The following SEC24D variants were observed in gnomAD, a reference collection of about 807,000 sequenced individuals.
SEC24D encodes the protein SEC24 homolog D, COPII component, also known as protein transport protein Sec24D.
Under a neutral mutation model 116.9 loss-of-function variants are expected in SEC24D, and 69 were observed. The ratio of observed to expected loss-of-function variants is 0.59; its 90% CI spans 0.49 to 0.72. SEC24D has a LOEUF of 0.72. Among genes scored for constraint, SEC24D ranks in the 30% least tolerant of loss-of-function variants. The pLI is 0.00. For missense variants in SEC24D, 1,131 were observed against 1,264.1 expected (o/e 0.89, Z 1.60); for synonymous variants, 405 against 442.8 (o/e 0.91, Z 1.07).
chr4:118,830,846 G>C (rs1022842752), intron 2 of SEC24D, among the ~76,000 whole-genome samples: 1 of 152,082 alleles, frequency 6.6e-6, no homozygotes, highest in Non-Finnish European at 1.5e-5. Flanking sequence ...GACAGTATTG[G>C]AGAGAGGGAT....
intron 3 of SEC24D, among the ~76,000 whole-genome samples, chr4:118,822,606 C>T (rs571392097): frequency 6.6e-6 from 1 of 152,284 alleles, no homozygotes; most frequent in South Asian, 2.1e-4. Context: ...GGGTCTCCCT[C>T]TGTCACCCAG....
chr4:118,771,092 C>T (rs184048483), intron 8 of SEC24D, among the ~76,000 whole-genome samples: 145 of 152,244 alleles, frequency 9.5e-4, no homozygotes, highest in African/African-American at 3.4e-3. Context: ...CAGATGTCAG[C>T]TTATCTGCAC....
chr4:118,742,629 C>T (rs1370054304), intron 15 of SEC24D, among the ~76,000 whole-genome samples: 1 of 152,088 alleles, frequency 6.6e-6, no homozygotes, highest in Non-Finnish European at 1.5e-5. Context: ...CTTATCAAGT[C>T]CCTTAGTTTA....
intron 7 of SEC24D, among the ~76,000 whole-genome samples, chr4:118,799,911 C>T (rs928265242): frequency 2.0e-5 from 3 of 151,988 alleles, no homozygotes; most frequent in Non-Finnish European, 1.5e-5. Flanking sequence ...ATCAAGAAAA[C>T]ATTTTTATAT....
chr4:118,798,350 G>T (rs1729272935), intron 7 of SEC24D, among the ~76,000 whole-genome samples: 1 of 151,994 alleles, frequency 6.6e-6, no homozygotes, highest in African/African-American at 2.4e-5. Context: ...ACTTATAATA[G>T]AAATATTATT....
chr4:118,752,941 G>A, intron 11 of SEC24D, 53 bp from the exon 12 acceptor site: 1 of 1,339,788 alleles, frequency 7.5e-7, no homozygotes, highest in South Asian at 1.4e-5. Context: ...AGATGAAAAG[G>A]AGGTTTCTAT....
chr4:118,793,576 G>A (rs1729043688), intron 8 of SEC24D, among the ~76,000 whole-genome samples: 1 of 151,934 alleles, frequency 6.6e-6, no homozygotes, highest in African/African-American at 2.4e-5. Flanking sequence ...AATGTTGGTG[G>A]CTCTCCAAGT....
intron 8 of SEC24D, among the ~76,000 whole-genome samples, chr4:118,788,219 C>T (rs1728739172): frequency 6.6e-6 from 1 of 152,202 alleles, no homozygotes; most frequent in African/African-American, 2.4e-5. Context: ...AATTTGTTCA[C>T]ATTAATTTCT....
At chr4:118,728,455 T>G in intron 22 of SEC24D, 106 bp downstream of exon 22, 1 of 668,924 alleles carries the variant, frequency 1.5e-6, no homozygotes, top group Non-Finnish European at 2.5e-6. Flanking sequence ...ATGGTGTGAG[T>G]TTTTAAAATC....
At chr4:118,815,194 CA>C in intron 5 of SEC24D, 39 bp from the exon 6 acceptor site, 3 of 1,610,946 alleles carry the variant, frequency 1.9e-6, no homozygotes, top group Non-Finnish European at 2.5e-6. Flanking sequence ...ACTATCATCC[CA>C]AATCCAGCAT....
At chr4:118,835,431 A>G (rs2110549072) in intron 1 of SEC24D, among the ~76,000 whole-genome samples, 1 of 152,300 alleles carries the variant, frequency 6.6e-6, no homozygotes, top group Admixed American at 6.5e-5. Flanking sequence ...CCCCAACCCC[A>G]GAACGGCCCC....
chr4:118,829,743 C>T (rs577640651), intron 2 of SEC24D, among the ~76,000 whole-genome samples: 2 of 151,548 alleles, frequency 1.3e-5, no homozygotes, highest in Admixed American at 1.3e-4. Context: ...ACCTGGGAGG[C>T]GGAGGTTGCA....
At chr4:118,788,408 C>T (rs1003429902) in intron 8 of SEC24D, among the ~76,000 whole-genome samples, 6 of 152,194 alleles carry the variant, frequency 3.9e-5, no homozygotes, top group Admixed American at 2.6e-4. Context: ...AATTATTTCC[C>T]GGCTCCTAAT....
chr4:118,772,741 G>A (rs1339383561), intron 8 of SEC24D, among the ~76,000 whole-genome samples: 1 of 152,172 alleles, frequency 6.6e-6, no homozygotes. Context: ...CAACAGTGAT[G>A]TCTGGTGTGT....
intron 3 of SEC24D, among the ~76,000 whole-genome samples, chr4:118,820,164 ACAAATTAG>A (rs1730334831): frequency 6.6e-6 from 1 of 151,776 alleles, no homozygotes; most frequent in Admixed American, 6.6e-5. Flanking sequence ...TCTTAAACAT[ACAAATTAG>A]TTTAATTTTT....
chr4:118,774,955 AG>A (rs1728064377), intron 8 of SEC24D, among the ~76,000 whole-genome samples: 1 of 152,170 alleles, frequency 6.6e-6, no homozygotes, highest in Admixed American at 6.6e-5. Flanking sequence ...TTACAATGGA[AG>A]GGGTATTCCC....
intron 14 of SEC24D, among the ~76,000 whole-genome samples, chr4:118,744,507 T>C (rs1024722902): frequency 1.3e-5 from 2 of 152,256 alleles, no homozygotes; most frequent in African/African-American, 4.8e-5. Context: ...CCTATATCCA[T>C]AGCCTTATCC....
At position 118,805,918 on chromosome 4, in the gene SEC24D, C is replaced by T; in HGVS notation, c.838G>A (p.Gly280Arg). Reference protein sequence around the residue: ...VIENDRASRGGQVYATNTRGQ... With the variant: ...VIENDRASRGRQVYATNTRGQ... ...CTGGTGTTGGTGGCATAAACTTGTCCTCCTCTGCTGGCTCTATCATTCTCA... is the reference window on the plus strand; with the variant it reads ...CTGGTGTTGGTGGCATAAACTTGTCTTCCTCTGCTGGCTCTATCATTCTCA... Residue 280 changes from glycine to arginine, a missense_variant, in exon 7 of 23, where the codon GGA (glycine) becomes AGA (arginine). Transcript: ENST00000280551. 1 of 1,595,780 alleles carries T rather than the reference C, an allele frequency of 6.3e-7. No individual in the cohort carries two copies. The highest frequency in any genetic ancestry group is 8.5e-7 in the Non-Finnish European group (1 of 1,172,252).
At chr4:118,752,458 C>A (rs1362373834) in intron 12 of SEC24D, among the ~76,000 whole-genome samples, 3 of 151,928 alleles carry the variant, frequency 2.0e-5, no homozygotes, top group Non-Finnish European at 4.4e-5. Context: ...GAGGAAGAAC[C>A]AATAGGGCTG....
Sources: allele counts gnomAD v4.1 joint callset (sites outside exome capture counted in the v4.1 genomes callset), GRCh38; gene constraint gnomAD v4.1.1; transcripts MANE v1.5; gene names NCBI Gene and HGNC (gene_info 2026-07-23, HGNC 2026-07-21).